CFAP299: variants seen among roughly 807,000 people sequenced by gnomAD.
CFAP299 encodes cilia- and flagella-associated protein 299.
A neutral mutation model predicts 27.0 loss-of-function variants in CFAP299; 21 were observed. The observed-to-expected ratio is 0.78, with a 90% CI of 0.55 to 1.12. The LOEUF is 1.12. Ranked by LOEUF, CFAP299 falls within the 50% of genes most tolerant of loss-of-function variation. CFAP299 has a pLI of 0.00. For synonymous variants in CFAP299, 104 were observed against 98.1 expected (o/e 1.06, Z -0.36); for missense variants, 310 against 276.6 (o/e 1.12, Z -0.86).
intron 3 of CFAP299, among the ~76,000 whole-genome samples, chr4:80,758,580 C>G (rs1441128387): frequency 6.6e-6 from 1 of 152,108 alleles, no homozygotes; most frequent in African/African-American, 2.4e-5. Flanking sequence ...CTCTCTTCTG[C>G]CCAGAATTTC....
chr4:80,372,367 C>T (rs1724188040), intron 2 of CFAP299, among the ~76,000 whole-genome samples: 1 of 152,222 alleles, frequency 6.6e-6, no homozygotes, highest in Non-Finnish European at 1.5e-5. Flanking sequence ...CAGATTCAAA[C>T]CATACGAATG....
chr4:80,431,900 T>A (rs1185348748), intron 2 of CFAP299, among the ~76,000 whole-genome samples: 3 of 152,204 alleles, frequency 2.0e-5, no homozygotes, highest in African/African-American at 7.2e-5. Context: ...ATGGCTTTCC[T>A]CTACTTCCTG....
intron 4 of CFAP299, among the ~76,000 whole-genome samples, chr4:80,886,523 C>T (rs1733979552): frequency 6.6e-6 from 1 of 152,198 alleles, no homozygotes; most frequent in African/African-American, 2.4e-5. Flanking sequence ...CAACACAGTA[C>T]CTGTTTGAGC....
At chr4:80,961,278 C>T (rs1273165787) in intron 5 of CFAP299, among the ~76,000 whole-genome samples, 2 of 151,464 alleles carry the variant, frequency 1.3e-5, no homozygotes, top group African/African-American at 4.8e-5. Context: ...TATATTAAAC[C>T]TAACACTGAT....
At chr4:80,786,293 A>G (rs1727241867) in intron 3 of CFAP299, among the ~76,000 whole-genome samples, 1 of 152,052 alleles carries the variant, frequency 6.6e-6, no homozygotes, top group Non-Finnish European at 1.5e-5. Flanking sequence ...TAGAAGGGAG[A>G]CATTAAAACC....
chr4:80,338,693 C>G (rs1722284009), intron 1 of CFAP299, among the ~76,000 whole-genome samples: 1 of 152,136 alleles, frequency 6.6e-6, no homozygotes, highest in African/African-American at 2.4e-5. Context: ...GTGGATATTG[C>G]CTACACTGCT....
intron 2 of CFAP299, among the ~76,000 whole-genome samples, chr4:80,505,507 A>T (rs568899145): frequency 2.4e-5 from 2 of 83,658 alleles, no homozygotes; most frequent in Non-Finnish European, 4.4e-5. Context: ...GTAGAAAATT[A>T]TAGATGCTCT....
chr4:80,926,934 C>A (rs1018965062), intron 4 of CFAP299, among the ~76,000 whole-genome samples: 2 of 152,010 alleles, frequency 1.3e-5, no homozygotes, highest in Non-Finnish European at 2.9e-5. Flanking sequence ...CTTATTTCAC[C>A]TGAATGTTTC....
intron 4 of CFAP299, among the ~76,000 whole-genome samples, chr4:80,923,878 G>A (rs1736169077): frequency 6.6e-6 from 1 of 151,818 alleles, no homozygotes. Flanking sequence ...GTAATTTTAA[G>A]GTATTATATT....
At chr4:80,731,480 T>C (rs2110055825) in intron 3 of CFAP299, among the ~76,000 whole-genome samples, 1 of 152,344 alleles carries the variant, frequency 6.6e-6, no homozygotes, top group Non-Finnish European at 1.5e-5. Flanking sequence ...CTGGTTTCCA[T>C]CGGGCCCACT....
At chr4:80,916,226 C>A (rs2110207401) in intron 4 of CFAP299, among the ~76,000 whole-genome samples, 1 of 135,652 alleles carries the variant, frequency 7.4e-6, no homozygotes, top group South Asian at 2.4e-4. Context: ...TGTACCATTG[C>A]ACTCTGGTCT....
At chr4:80,500,656 G>GT (rs1297882723) in intron 2 of CFAP299, among the ~76,000 whole-genome samples, 4 of 152,118 alleles carry the variant, frequency 2.6e-5, no homozygotes, top group African/African-American at 4.8e-5. Flanking sequence ...AGTATATTCA[G>GT]TAAGTCTTTA....
Position 80,827,565 on chromosome 4 carries a change from A to C in CFAP299, c.334-42428A>C, listed in dbSNP as rs59483105. 6.0e-3 allele frequency among the ~76,000 whole-genome samples: 918 copies of C among 152,004 alleles called. 7 individuals carry two copies. Among genetic ancestry groups the C allele is most frequent in the African/African-American group, 0.021 (863 of 41,528 alleles). ...AACTAGGAATAAAAGTAAACCACCA[A>C]CAACTAAAAACCATATATAAAAAAC... On this transcript the variant is annotated intron_variant, in intron 3 of 5. Coordinates refer to ENST00000358105, the MANE Select transcript of CFAP299 (RefSeq NM_152770.3).
chr4:80,801,012 C>T (rs968607037), intron 3 of CFAP299, among the ~76,000 whole-genome samples: 34 of 151,482 alleles, frequency 2.2e-4, no homozygotes, highest in Non-Finnish European at 4.4e-5. Flanking sequence ...ACTGGCTGCC[C>T]TGACAGCTGA....
At chr4:80,636,490 C>T (rs1052595361) in intron 3 of CFAP299, among the ~76,000 whole-genome samples, 10 of 152,156 alleles carry the variant, frequency 6.6e-5, no homozygotes, top group Non-Finnish European at 1.3e-4. Flanking sequence ...CAAAGGACTG[C>T]TCAAGTGACT....
At chr4:80,448,718 C>T (rs983773399) in intron 2 of CFAP299, among the ~76,000 whole-genome samples, 3 of 150,904 alleles carry the variant, frequency 2.0e-5, no homozygotes, top group Admixed American at 1.3e-4. Context: ...AAAAAAAAAC[C>T]ACATCTCTGA....
At chr4:80,539,622 A>G (rs1228990611) in intron 2 of CFAP299, among the ~76,000 whole-genome samples, 1 of 152,094 alleles carries the variant, frequency 6.6e-6, no homozygotes, top group Admixed American at 6.6e-5. Flanking sequence ...GTGGGTATGG[A>G]GTTGGAATTT....
chr4:80,599,402 T>G (rs994997228), intron 3 of CFAP299, among the ~76,000 whole-genome samples: 1 of 152,182 alleles, frequency 6.6e-6, no homozygotes, highest in Non-Finnish European at 1.5e-5. Flanking sequence ...GTCTTTACAG[T>G]TATGTGCCTA....
chr4:80,414,076 T>TC (rs1726872472), intron 2 of CFAP299, among the ~76,000 whole-genome samples: 1 of 146,738 alleles, frequency 6.8e-6, no homozygotes, highest in Non-Finnish European at 1.5e-5. Flanking sequence ...TTTTTTTTTT[T>TC]TTTTTTTTTT....
Sources: gnomAD v4.1 joint callset for allele counts (sites outside exome capture counted in the v4.1 genomes callset) on GRCh38, gnomAD v4.1.1 for gene constraint, MANE v1.5 for transcripts, NCBI Gene and HGNC (gene_info 2026-07-23, HGNC 2026-07-21) for gene names.